The following USP28 variants were observed in gnomAD, a reference collection of about 807,000 sequenced individuals.
The protein encoded by USP28 is ubiquitin carboxyl-terminal hydrolase 28.
USP28 carries 113 observed loss-of-function variants against 145.0 expected under a neutral mutation model. That is an observed-to-expected ratio of 0.78 (90% CI 0.67 to 0.91). USP28 has a LOEUF of 0.91. Ranked by LOEUF, USP28 falls within the 40% of genes least tolerant of loss-of-function variation. The pLI is 0.00. For missense variants in USP28, 1,201 were observed against 1,289.6 expected, an observed-to-expected ratio of 0.93 and a Z score of 1.05; for synonymous variants, 447 against 450.9, an observed-to-expected ratio of 0.99 and a Z score of 0.11.
intron 12 of USP28, chr11:113,822,502 T>TG (rs1240662795): frequency 2.1e-5 from 2 of 94,758 alleles, no homozygotes; most frequent in Admixed American, 1.0e-4. Context: ...GAGAGAGAGA[T>TG]GGGGTCTCAC....
At chr11:113,838,588 T>G (rs1282696569) in intron 5 of USP28, among the ~76,000 whole-genome samples, 1 of 152,210 alleles carries the variant, frequency 6.6e-6, no homozygotes, top group African/African-American at 2.4e-5. Context: ...AAATGTTCCC[T>G]ATGTAATTAA....
chr11:113,831,691 T>A (rs936976465), intron 8 of USP28, among the ~76,000 whole-genome samples: 1 of 151,320 alleles, frequency 6.6e-6, no homozygotes, highest in Non-Finnish European at 1.5e-5. Flanking sequence ...ACAGTTACAG[T>A]CCTTTAGTTA....
chr11:113,831,065 T>A (rs190747677), intron 8 of USP28, 122 bp from the exon 9 acceptor site: 2 of 887,896 alleles, frequency 2.3e-6, no homozygotes, highest in Non-Finnish European at 3.7e-6. Context: ...GAGCCAGGTA[T>A]GATCTAAATA....
At chr11:113,819,115 C>CTTT (rs1055207541) in intron 12 of USP28, among the ~76,000 whole-genome samples, 1 of 140,334 alleles carries the variant, frequency 7.1e-6, no homozygotes, top group African/African-American at 2.6e-5. Context: ...CATTTTTATT[C>CTTT]TTTTTTTTTT....
At chr11:113,869,434 T>A (rs1948604789) in intron 1 of USP28, among the ~76,000 whole-genome samples, 1 of 151,834 alleles carries the variant, frequency 6.6e-6, no homozygotes, top group South Asian at 2.1e-4. Context: ...TCTCAAAAAA[T>A]AAAATAAAAC....
At position 113,850,223 on chromosome 11, in the gene USP28, G is replaced by A. The variant is rs929031428; in HGVS notation, c.268+2278C>T. On this transcript the variant is annotated intron_variant, in intron 3 of 24. Transcript: ENST00000003302. ...ATTACCTATAAAGTTGAAGATAAGC[G>A]TATCTTAATACCTACCAACTACATC... Among the ~76,000 whole-genome samples, 6 of 151,990 alleles carry A rather than the reference G, an allele frequency of 3.9e-5. 1 individual carries two copies. The highest frequency in any genetic ancestry group is 1.3e-4 in the Admixed American group (2 of 15,264).
intron 1 of USP28, among the ~76,000 whole-genome samples, chr11:113,866,080 G>A (rs138739507): frequency 8.5e-5 from 13 of 152,312 alleles, no homozygotes; most frequent in African/African-American, 3.1e-4. Context: ...GATCACCTAA[G>A]GTCAGGAGTT....
At chr11:113,869,996 C>G (rs1256577482) in intron 1 of USP28, among the ~76,000 whole-genome samples, 1 of 152,048 alleles carries the variant, frequency 6.6e-6, no homozygotes, top group East Asian at 1.9e-4. Flanking sequence ...AACCCTGTCT[C>G]TACTAAAAAT....
chr11:113,829,337 AG>A lies in USP28; in HGVS notation c.918del (p.Cys308ValfsTer13), dbSNP rs1943721793. On this transcript the variant is annotated frameshift_variant, in exon 10 of 25. Transcript: ENST00000003302. LOFTEE classifies it high-confidence loss of function. ...TGGCCGAAGGTCTCATTGTTACAAAAGGGTTTTCCTAGGCAAAGAGAGAGAC... is the reference window on the plus strand; with the variant it reads ...TGGCCGAAGGTCTCATTGTTACAAAAGGTTTTCCTAGGCAAAGAGAGAGAC... 6.2e-7 allele frequency: 1 copy of A among 1,614,192 alleles called. No individual in the cohort carries two copies. Among genetic ancestry groups the A allele is most frequent in the Non-Finnish European group, 8.5e-7 (1 of 1,180,006 alleles).
chr11:113,870,861 G>T (rs904033873), intron 1 of USP28, among the ~76,000 whole-genome samples: 1 of 152,152 alleles, frequency 6.6e-6, no homozygotes, highest in Non-Finnish European at 1.5e-5. Context: ...AAACAGGTGG[G>T]GTTAGAAACT....
chr11:113,847,813 T>C (rs1946042562), intron 3 of USP28, among the ~76,000 whole-genome samples: 1 of 152,214 alleles, frequency 6.6e-6, no homozygotes, highest in Non-Finnish European at 1.5e-5. Flanking sequence ...GGCTTTATCA[T>C]GACAGGGATA....
chr11:113,862,778 G>T (rs959893695), intron 1 of USP28, among the ~76,000 whole-genome samples: 2 of 151,492 alleles, frequency 1.3e-5, no homozygotes, highest in Non-Finnish European at 2.9e-5. Context: ...CAGAATGAAG[G>T]AGAAAAAAAA....
At chr11:113,875,027 T>G (rs1949231857) in intron 1 of USP28, 1 of 653,750 alleles carries the variant, frequency 1.5e-6, no homozygotes. Flanking sequence ...AACTTCGGTC[T>G]GCTTTAACCT....
intron 16 of USP28, 54 bp from the exon 17 acceptor site, chr11:113,809,308 T>C (rs770257310): frequency 5.7e-5 from 87 of 1,534,056 alleles, no homozygotes; most frequent in Non-Finnish European, 7.4e-5. Flanking sequence ...AAACATCCTT[T>C]TTAGAAAAGA....
chr11:113,803,306 C>T (rs373833893), intron 22 of USP28, 25 bp from the exon 24 acceptor site: 39 of 1,587,814 alleles, frequency 2.5e-5, no homozygotes, highest in Non-Finnish European at 3.3e-5. Context: ...AGATAAACAA[C>T]AGCTGAGTGC....
intron 1 of USP28, among the ~76,000 whole-genome samples, chr11:113,869,662 T>C (rs1948627596): frequency 6.6e-6 from 1 of 152,092 alleles, no homozygotes; most frequent in Non-Finnish European, 1.5e-5. Flanking sequence ...TGGGTTTTTG[T>C]AAATAAAAAT....
intron 3 of USP28, among the ~76,000 whole-genome samples, chr11:113,849,153 T>G (rs576653130): frequency 1.2e-4 from 19 of 152,212 alleles, no homozygotes; most frequent in Non-Finnish European, 2.6e-4. Flanking sequence ...TCTTGCTACC[T>G]GGAAAATGCA....
At chr11:113,825,345 A>G (rs141364873) in intron 11 of USP28, among the ~76,000 whole-genome samples, 3 of 152,366 alleles carry the variant, frequency 2.0e-5, no homozygotes, top group African/African-American at 7.2e-5. Context: ...AGAAACACTT[A>G]TAATTCCAAG....
chr11:113,799,406 T>C (rs1188791895), exon 25 of USP28: 1 of 1,612,786 alleles, frequency 6.2e-7, no homozygotes, highest in Non-Finnish European at 8.5e-7. Context: ...TAGGCACAGC[T>C]GCAGATTTTC....
Sources: allele counts gnomAD v4.1 joint callset (sites outside exome capture counted in the v4.1 genomes callset), GRCh38; gene constraint gnomAD v4.1.1; transcripts MANE v1.5; gene names NCBI Gene and HGNC (gene_info 2026-07-23, HGNC 2026-07-21).